C1GALT1: variants seen among roughly 807,000 people sequenced by gnomAD.
The protein encoded by C1GALT1 is glycoprotein-N-acetylgalactosamine 3-beta-galactosyltransferase 1.
Under a neutral mutation model 31.0 loss-of-function variants are expected in C1GALT1, and 11 were observed. The ratio of observed to expected loss-of-function variants is 0.36; its 90% CI spans 0.22 to 0.59. The LOEUF is 0.59. C1GALT1 is among the 20% of genes least tolerant of loss of function. C1GALT1 has a pLI of 0.79. For missense variants in C1GALT1, 424 were observed against 425.2 expected (o/e 1.00, Z 0.03); for synonymous variants, 175 against 143.6 (o/e 1.22, Z -1.56).
At chr7:7,188,410 T>C (rs549937657) in intron 1 of C1GALT1, among the ~76,000 whole-genome samples, 14 of 152,296 alleles carry the variant, frequency 9.2e-5, no homozygotes, top group South Asian at 4.1e-4. Context: ...ATCTGAAACT[T>C]GGAGAAGTCT....
intron 1 of C1GALT1, among the ~76,000 whole-genome samples, chr7:7,218,812 G>C (rs1782370606): frequency 6.6e-6 from 1 of 151,732 alleles, no homozygotes; most frequent in Non-Finnish European, 1.5e-5. Context: ...AATCAAATTG[G>C]TATACATCTC....
chr7:7,170,167 GTCTT>G (rs1583729494), intron 2 of C1GALT1, among the ~76,000 whole-genome samples: 1 of 152,220 alleles, frequency 6.6e-6, no homozygotes, highest in South Asian at 2.1e-4. Flanking sequence ...AATCATTTGT[GTCTT>G]TCTTTTTTCT....
intron 1 of C1GALT1, among the ~76,000 whole-genome samples, chr7:7,191,454 A>G (rs1242381177): frequency 1.3e-5 from 2 of 152,150 alleles, no homozygotes; most frequent in Non-Finnish European, 2.9e-5. Context: ...TGAGTGTACA[A>G]ATACTTTCTT....
At chr7:7,235,791 G>A (rs1399433072) in intron 2 of C1GALT1, among the ~76,000 whole-genome samples, 2 of 152,140 alleles carry the variant, frequency 1.3e-5, no homozygotes, top group Non-Finnish European at 2.9e-5. Flanking sequence ...ATTACCATCT[G>A]TCTGTGCCAG....
intron 1 of C1GALT1, among the ~76,000 whole-genome samples, chr7:7,229,875 G>A (rs549210307): frequency 1.0e-3 from 155 of 152,222 alleles, no homozygotes; most frequent in Middle Eastern, 3.4e-3. Flanking sequence ...GAGAAGGATC[G>A]TTGAGTGGGG....
chr7:7,196,332 C>A (rs751378251), intron 1 of C1GALT1, among the ~76,000 whole-genome samples: 1 of 151,552 alleles, frequency 6.6e-6, no homozygotes, highest in African/African-American at 2.4e-5. Flanking sequence ...TCTGTCCTTG[C>A]GATGGTTTGC....
At chr7:7,240,443 C>CT (rs1431090027) in intron 3 of C1GALT1, among the ~76,000 whole-genome samples, 2 of 152,062 alleles carry the variant, frequency 1.3e-5, no homozygotes, top group African/African-American at 4.8e-5. Context: ...ACTTTGGATG[C>CT]TTTTTTGATG....
At chr7:7,188,732 C>T (rs1033880907) in intron 1 of C1GALT1, among the ~76,000 whole-genome samples, 1 of 151,716 alleles carries the variant, frequency 6.6e-6, no homozygotes, top group Admixed American at 6.6e-5. Context: ...TGAAATCATA[C>T]TAGAAAATAT....
At position 7,243,813 on chromosome 7, in the gene C1GALT1, C is replaced by G; in HGVS notation, c.*86C>G. On this transcript the variant is annotated 3_prime_UTR_variant, in exon 4 of 4. Coordinates refer to ENST00000436587, the MANE Select transcript of C1GALT1 (RefSeq NM_020156.5). ...CATTTCTGACATAGAACACTGGAAT[C>G]CCAGTGAGGAATTCTAAGTGAACAT... 1 of 964,062 alleles carries G rather than the reference C, an allele frequency of 1.0e-6. No homozygotes were observed. Among genetic ancestry groups the G allele is most frequent in the Non-Finnish European group, 1.5e-6 (1 of 658,344 alleles). The allele number at this position is 964,062 out of a possible 1,614,324, so 59.7% of individuals were successfully genotyped here.
At chr7:7,204,222 T>G (rs1054439142) in intron 1 of C1GALT1, among the ~76,000 whole-genome samples, 4 of 151,958 alleles carry the variant, frequency 2.6e-5, no homozygotes, top group African/African-American at 7.2e-5. Flanking sequence ...TTTTCTTTGT[T>G]GGGAGGTTTT....
intron 2 of C1GALT1, 21 bp downstream of exon 2, chr7:7,234,560 C>T (rs766796754): frequency 7.8e-6 from 12 of 1,546,174 alleles, no homozygotes; most frequent in South Asian, 1.1e-5. Flanking sequence ...CTTTATTAAG[C>T]AGTAAACATA....
chr7:7,191,076 T>G (rs1459377067), intron 1 of C1GALT1, among the ~76,000 whole-genome samples: 1 of 152,152 alleles, frequency 6.6e-6, no homozygotes, highest in East Asian at 1.9e-4. Context: ...CCATCACCGC[T>G]GTTTATCTCC....
intron 1 of C1GALT1, among the ~76,000 whole-genome samples, chr7:7,202,303 G>GTT (rs1583771588): frequency 1.3e-5 from 2 of 152,294 alleles, no homozygotes; most frequent in East Asian, 3.9e-4. Flanking sequence ...AGTTCACGGT[G>GTT]TGAGTCTCCA....
chr7:7,179,615 T>A (rs1780547079), upstream of C1GALT1, among the ~76,000 whole-genome samples: 1 of 152,200 alleles, frequency 6.6e-6, no homozygotes, highest in Non-Finnish European at 1.5e-5. Context: ...TTATGTCAAC[T>A]AAGAATTGCA....
Position 7,243,717 on chromosome 7 carries a change from G to A in C1GALT1, c.1082G>A (p.Gly361Glu). Reference sequence around the variant, plus strand: ...AATGAAGATACAAAAGTGAAGTTAGGAAATCCTTGAAAGAAAATCATGAAT... The same window carrying A: ...AATGAAGATACAAAAGTGAAGTTAGAAAATCCTTGAAAGAAAATCATGAAT... ...NKNEDTKVKL[G>E]NP Residue 361 changes from glycine to glutamate, a missense_variant, in exon 4 of 4, where the codon GGA (glycine) becomes GAA (glutamate). By Grantham distance (98) the Gly-to-Glu change is moderately conservative (BLOSUM62 -2). Around this residue, in one of 3 missense-constraint regions of C1GALT1, gnomAD observed 191 missense variants for 188.8 expected, o/e 1.01. Coordinates refer to ENST00000436587, the MANE Select transcript of C1GALT1 (RefSeq NM_020156.5). The A allele has an allele frequency of 6.3e-7, 1 of 1,596,678 alleles. No homozygotes were observed. The highest frequency in any genetic ancestry group is 8.5e-7 in the Non-Finnish European group (1 of 1,172,124).
At chr7:7,196,521 C>T (rs1224792908) in intron 1 of C1GALT1, among the ~76,000 whole-genome samples, 2 of 152,188 alleles carry the variant, frequency 1.3e-5, no homozygotes, top group African/African-American at 4.8e-5. Context: ...CCACAGTAAA[C>T]ATACATGTGC....
intron 1 of C1GALT1, among the ~76,000 whole-genome samples, chr7:7,234,093 C>T (rs533772066): frequency 6.6e-6 from 1 of 152,120 alleles, no homozygotes; most frequent in Non-Finnish European, 1.5e-5. Flanking sequence ...ATACCCCACC[C>T]CAACTGTGAC....
intron 2 of C1GALT1, among the ~76,000 whole-genome samples, chr7:7,174,778 T>C (rs549273861): frequency 2.0e-4 from 30 of 152,152 alleles, no homozygotes; most frequent in Non-Finnish European, 4.3e-4. Context: ...GCTTCAGAAT[T>C]TCTGTTTGGT....
chr7:7,187,186 C>T (rs1047901970), intron 1 of C1GALT1, among the ~76,000 whole-genome samples: 1 of 152,094 alleles, frequency 6.6e-6, no homozygotes, highest in Non-Finnish European at 1.5e-5. Context: ...CATCCCACTC[C>T]AGTTACCCAG....
Sources: allele counts gnomAD v4.1 joint callset (sites outside exome capture counted in the v4.1 genomes callset), GRCh38; gene constraint gnomAD v4.1.1; regional missense constraint gnomAD v4.1.1; transcripts MANE v1.5; gene names NCBI Gene and HGNC (gene_info 2026-07-23, HGNC 2026-07-21).